ANO1: variants seen among roughly 807,000 people sequenced by gnomAD.
ANO1 encodes anoctamin-1.
Under a neutral mutation model 124.0 loss-of-function variants are expected in ANO1, and 59 were observed. The observed-to-expected ratio is 0.48, with a 90% CI of 0.39 to 0.59. The LOEUF is 0.59. Among genes scored for constraint, ANO1 ranks in the 20% least tolerant of loss-of-function variants. ANO1 has a pLI of 0.00. For synonymous variants in ANO1, 529 were observed against 532.0 expected, an observed-to-expected ratio of 0.99 and a Z score of 0.08; for missense variants, 1,059 against 1,328.0, an observed-to-expected ratio of 0.80 and a Z score of 3.15.
chr11:70,011,414 G>A (rs1856596557), intron 1 of ANO1, among the ~76,000 whole-genome samples: 1 of 152,152 alleles, frequency 6.6e-6, no homozygotes, highest in African/African-American at 2.4e-5. Context: ...TTGGGCTTCT[G>A]GTACCCACAG....
At chr11:70,017,578 T>C (rs187373728) in intron 1 of ANO1, among the ~76,000 whole-genome samples, 2 of 148,032 alleles carry the variant, frequency 1.4e-5, no homozygotes, top group East Asian at 4.3e-4. Flanking sequence ...TACAGTGGCA[T>C]GGTCATGTCT....
intron 1 of ANO1, among the ~76,000 whole-genome samples, chr11:69,996,166 A>G (rs954421015): frequency 2.1e-4 from 32 of 152,210 alleles, no homozygotes; most frequent in South Asian, 1.5e-3. Flanking sequence ...AATAGACTAT[A>G]TAGAAGGATT....
chr11:69,976,956 G>A, the ANO1 span, among the ~76,000 whole-genome samples: 1 of 152,244 alleles, frequency 6.6e-6, no homozygotes, highest in African/African-American at 2.4e-5. Context: ...TGCTCCAGGG[G>A]CTGCTGTTAA....
chr11:70,170,184 C>A (rs1314438993), intron 21 of ANO1: 2 of 455,276 alleles, frequency 4.4e-6, no homozygotes, highest in Non-Finnish European at 8.8e-6. Flanking sequence ...CCCCCAGGTC[C>A]CAGGGAGCCC....
intron 2 of ANO1, among the ~76,000 whole-genome samples, chr11:70,099,398 C>A (rs1460522844): frequency 6.6e-6 from 1 of 152,158 alleles, no homozygotes; most frequent in Non-Finnish European, 1.5e-5. Flanking sequence ...CCCAGGGAGG[C>A]CAGCAGCAGC....
In ANO1 at chr11:70,078,646, G is replaced by C; in HGVS notation, c.40G>C (p.Asp14His). The change falls in exon 1 of 26, where the codon GAC becomes CAC. Residue 14 changes from aspartate (D) to histidine (H), a missense_variant. By Grantham distance (81) the Asp-to-His change is moderately conservative (BLOSUM62 -1). Around this residue, in one of 2 missense-constraint regions of ANO1, gnomAD observed 250 missense variants for 233.1 expected, o/e 1.07. Coordinates refer to ENST00000355303, the MANE Select transcript of ANO1 (RefSeq NM_018043.7). Reference sequence around the variant, plus strand: ...GAAGTACTCGACGCTCCCGGCCGAGGACCGCAGCGTCCACATCATCAACAT... The same window carrying C: ...GAAGTACTCGACGCTCCCGGCCGAGCACCGCAGCGTCCACATCATCAACAT... ...NEKYSTLPAEDRSVHIINICA... is the reference protein window; with the variant it reads ...NEKYSTLPAEHRSVHIINICA... 2 of 1,502,536 alleles carry C rather than the reference G, an allele frequency of 1.3e-6. No homozygotes were observed. Among genetic ancestry groups the C allele is most frequent in the South Asian group, 2.3e-5 (2 of 86,052 alleles). 93.1% of individuals were successfully genotyped at this position (1,502,536 alleles called of 1,614,324 possible).
the ANO1 span, among the ~76,000 whole-genome samples, chr11:69,976,445 C>T: frequency 4.5e-3 from 641 of 141,858 alleles, 1 homozygote; most frequent in African/African-American, 0.016. Flanking sequence ...AGGCGGAGCT[C>T]GCAGTGAGCC....
intron 2 of ANO1, among the ~76,000 whole-genome samples, chr11:70,096,877 A>AATG (rs2044998607): frequency 6.6e-6 from 1 of 151,810 alleles, no homozygotes; most frequent in African/African-American, 2.4e-5. Flanking sequence ...TAATAATAAT[A>AATG]ATAATAATAA....
chr11:70,186,897 C>T (rs563597185), intron 25 of ANO1, among the ~76,000 whole-genome samples: 3 of 152,272 alleles, frequency 2.0e-5, no homozygotes, highest in Non-Finnish European at 2.9e-5. Context: ...GGCTGGGTTC[C>T]GCAGACCAGA....
At chr11:70,107,991 C>T (rs2509181) in intron 5 of ANO1, among the ~76,000 whole-genome samples, 94,597 of 152,146 alleles carry the variant, frequency 0.62, 29,688 homozygotes, top group East Asian at 0.68. Context: ...ACGAGGGGAC[C>T]GTAAATCCAC....
At chr11:70,059,950 C>CTTTTT (rs36021561) in intron 1 of ANO1, among the ~76,000 whole-genome samples, 14 of 75,538 alleles carry the variant, frequency 1.9e-4, no homozygotes, top group African/African-American at 3.9e-4. Flanking sequence ...AGGCGTTGGC[C>CTTTTT]TTTTTTTTTT....
intron 1 of ANO1, among the ~76,000 whole-genome samples, chr11:70,061,702 T>C (rs76462153): frequency 0.026 from 4,031 of 152,230 alleles, 85 homozygotes; most frequent in African/African-American, 0.056. Context: ...AGCTACTCTT[T>C]TGTGGCCAGA....
chr11:69,985,189 C>T (rs1246237285), upstream of ANO1, among the ~76,000 whole-genome samples: 1 of 152,228 alleles, frequency 6.6e-6, no homozygotes. Context: ...GTCCCTGCCT[C>T]GTCCCTGGAT....
the ANO1 span, among the ~76,000 whole-genome samples, chr11:69,975,793 C>T: frequency 6.6e-6 from 1 of 152,256 alleles, no homozygotes; most frequent in Non-Finnish European, 1.5e-5. Context: ...GTATAACCCA[C>T]ATTTTAGCGC....
chr11:70,104,779 T>C (rs1446265103), intron 4 of ANO1, among the ~76,000 whole-genome samples: 1 of 152,082 alleles, frequency 6.6e-6, no homozygotes, highest in Non-Finnish European at 1.5e-5. Context: ...AGAGGGACTT[T>C]GGATGGAAGC....
At chr11:70,118,994 G>A (rs916747301) in intron 8 of ANO1, among the ~76,000 whole-genome samples, 43 of 145,782 alleles carry the variant, frequency 2.9e-4, no homozygotes, top group Admixed American at 2.9e-3. Context: ...GGATGCTGGA[G>A]GAATTAATGA....
chr11:70,176,156 CT>C (rs56702157), intron 22 of ANO1, among the ~76,000 whole-genome samples: 68,472 of 124,186 alleles, frequency 0.55, 17,556 homozygotes, highest in East Asian at 0.68. Flanking sequence ...TATATATACA[CT>C]TTTTTTTTTT....
intron 1 of ANO1, among the ~76,000 whole-genome samples, chr11:70,052,218 A>G (rs1021326340): frequency 6.6e-6 from 1 of 152,254 alleles, no homozygotes; most frequent in Non-Finnish European, 1.5e-5. Flanking sequence ...GCACCTTTGC[A>G]GTAAATCAAA....
At chr11:70,089,189 A>G (rs2044521527) in intron 2 of ANO1, among the ~76,000 whole-genome samples, 1 of 152,232 alleles carries the variant, frequency 6.6e-6, no homozygotes, top group Admixed American at 6.5e-5. Flanking sequence ...CCAAGAATCG[A>G]CAAAGTCTCT....
Sources: gnomAD v4.1 joint callset for allele counts (sites outside exome capture counted in the v4.1 genomes callset) on GRCh38, gnomAD v4.1.1 for gene constraint, gnomAD v4.1.1 regional missense constraint, MANE v1.5 for transcripts, NCBI Gene and HGNC (gene_info 2026-07-23, HGNC 2026-07-21) for gene names.